IL1RAPL1: variants seen among roughly 807,000 people sequenced by gnomAD.
IL1RAPL1 encodes interleukin 1 receptor accessory protein like 1.
A neutral mutation model predicts 48.4 loss-of-function variants in IL1RAPL1; 3 were observed. That is an observed-to-expected ratio of 0.06 (90% confidence interval 0.03 to 0.16). The LOEUF is 0.16. Among genes scored for constraint, IL1RAPL1 ranks in the 10% least tolerant of loss-of-function variants. IL1RAPL1 has a pLI of 1.00. For missense variants in IL1RAPL1, 349 were observed against 530.6 expected, an observed-to-expected ratio of 0.66 and a Z score of 3.36; for synonymous variants, 185 against 187.7, an observed-to-expected ratio of 0.99 and a Z score of 0.12.
At chrX:28,923,897 A>G (rs1054935044) in intron 2 of IL1RAPL1, among the ~76,000 whole-genome samples, 1 of 111,945 alleles carries the variant, frequency 8.9e-6, no homozygotes, top group African/African-American at 3.2e-5. Context: ...TGTAATAAGA[A>G]TTTTTTAAAT....
At chrX:29,127,532 T>G (rs1440963040) in intron 2 of IL1RAPL1, among the ~76,000 whole-genome samples, 4 of 112,192 alleles carry the variant, frequency 3.6e-5, no homozygotes, top group Non-Finnish European at 7.5e-5. Context: ...CACCAATCTC[T>G]GTGGACAATC....
At chrX:28,724,923 C>G (rs945675757) in intron 1 of IL1RAPL1, among the ~76,000 whole-genome samples, 4 of 107,022 alleles carry the variant, frequency 3.7e-5, no homozygotes, top group African/African-American at 1.4e-4. Context: ...TGGAACATGA[C>G]TTGACGTCTA....
chrX:29,036,247 A>C (rs1017334312), intron 2 of IL1RAPL1, among the ~76,000 whole-genome samples: 1 of 112,428 alleles, frequency 8.9e-6, no homozygotes, highest in East Asian at 2.8e-4. Context: ...TACAGTGTTC[A>C]CAAATATAAA....
intron 1 of IL1RAPL1, among the ~76,000 whole-genome samples, chrX:28,761,970 T>C (rs1269231412): frequency 1.8e-5 from 2 of 111,651 alleles, no homozygotes; most frequent in African/African-American, 6.5e-5. Flanking sequence ...AATATGAGTC[T>C]AATAATAGCA....
At chrX:29,379,693 G>T (rs960092065) in intron 3 of IL1RAPL1, among the ~76,000 whole-genome samples, 1 of 111,614 alleles carries the variant, frequency 9.0e-6, no homozygotes, top group Non-Finnish European at 1.9e-5. Flanking sequence ...CTTATACACG[G>T]TTCCCAGATT....
chrX:28,926,315 A>G (rs191087551), intron 2 of IL1RAPL1, among the ~76,000 whole-genome samples: 2 of 111,725 alleles, frequency 1.8e-5, no homozygotes, highest in Non-Finnish European at 3.8e-5. Flanking sequence ...TAAAAACATA[A>G]CAACTTGTTT....
chrX:29,946,409 G>A, intron 9 of IL1RAPL1, among the ~76,000 whole-genome samples: 1 of 108,755 alleles, frequency 9.2e-6, no homozygotes, highest in Non-Finnish European at 1.9e-5. Flanking sequence ...CACAGCTATT[G>A]AGAATGAACC....
At chrX:29,513,473 T>C (rs1935415252) in intron 5 of IL1RAPL1, among the ~76,000 whole-genome samples, 1 of 112,163 alleles carries the variant, frequency 8.9e-6, no homozygotes, top group Non-Finnish European at 1.9e-5. Flanking sequence ...TTTTGGTCTC[T>C]TGATGAAGTA....
intron 1 of IL1RAPL1, among the ~76,000 whole-genome samples, chrX:28,724,400 G>T (rs1935635717): frequency 9.0e-6 from 1 of 110,936 alleles, no homozygotes; most frequent in South Asian, 3.9e-4. Flanking sequence ...TGTTTTATCA[G>T]AGACTAGGAT....
intron 3 of IL1RAPL1, among the ~76,000 whole-genome samples, chrX:29,315,858 G>C (rs1486441877): frequency 8.9e-6 from 1 of 112,140 alleles, no homozygotes; most frequent in Non-Finnish European, 1.9e-5. Context: ...TAGTGGGCAT[G>C]AGATGAGATG....
At position 29,219,303 on chromosome X, in the gene IL1RAPL1, G is replaced by T. The variant is rs1017186868; in HGVS notation, c.83-63635G>T. On this transcript the variant is annotated intron_variant, in intron 2 of 10. Coordinates refer to ENST00000378993, the MANE Select transcript of IL1RAPL1 (RefSeq NM_014271.4). ...ATTATTGCTTTATTTATGTATTCAC[G>T]TGAATATTCTCTAAGTGTTTTTAAA... Among the ~76,000 whole-genome samples, 6 of 111,380 alleles carry T rather than the reference G, an allele frequency of 5.4e-5. No homozygotes were observed. The South Asian group carries it at 1.5e-3, about 28-fold the overall frequency.
At chrX:29,550,601 CCTTAA>C (rs1375217962) in intron 5 of IL1RAPL1, among the ~76,000 whole-genome samples, 4 of 111,510 alleles carry the variant, frequency 3.6e-5, no homozygotes, top group African/African-American at 9.8e-5. Flanking sequence ...CTTTAAAAAT[CCTTAA>C]CTTTTTTTTT....
chrX:29,243,089 T>A (rs779835302), intron 2 of IL1RAPL1, among the ~76,000 whole-genome samples: 12 of 112,158 alleles, frequency 1.1e-4, no homozygotes, highest in Admixed American at 3.8e-4. Flanking sequence ...TCTCCCCATA[T>A]ATGGTAAAGA....
intron 6 of IL1RAPL1, among the ~76,000 whole-genome samples, chrX:29,802,765 A>ATATATATATATGTGTGTG (rs1429013917): frequency 7.5e-5 from 2 of 26,722 alleles, no homozygotes; most frequent in African/African-American, 4.6e-4. Flanking sequence ...ATATATATAT[A>ATATATATATATGTGTGTG]TATATATATA....
chrX:28,981,593 C>G (rs1190752649), intron 2 of IL1RAPL1, among the ~76,000 whole-genome samples: 3 of 112,076 alleles, frequency 2.7e-5, no homozygotes, highest in Non-Finnish European at 5.6e-5. Context: ...GCCTCTCTTA[C>G]ACTTCTTAGC....
Position 29,369,121 on chromosome X carries a change from C to G in IL1RAPL1, c.363-27137C>G, listed in dbSNP as rs972865926. 4 of 111,116 alleles carry G rather than the reference C, an allele frequency of 3.6e-5. 1 individual carries two copies. Among genetic ancestry groups the G allele is most frequent in the African/African-American group, 1.3e-4 (4 of 30,505 alleles). The allele number at this position is 111,116 out of a possible 1,213,427, so 9.2% of individuals were successfully genotyped here. On this transcript the variant is annotated intron_variant, in intron 3 of 10. Coordinates refer to ENST00000378993, the MANE Select transcript of IL1RAPL1 (RefSeq NM_014271.4). Reference sequence around the variant, plus strand: ...AGAACAGCTTTATGAGTCCTTCAGGCCTGTTCTTGATTGCTTGAACCTTGT... The same window carrying G: ...AGAACAGCTTTATGAGTCCTTCAGGGCTGTTCTTGATTGCTTGAACCTTGT...
intron 6 of IL1RAPL1, among the ~76,000 whole-genome samples, chrX:29,835,920 G>A (rs1426391376): frequency 9.9e-6 from 1 of 101,089 alleles, no homozygotes; most frequent in Non-Finnish European, 2.0e-5. Flanking sequence ...CTAGGTAAAG[G>A]GTTGTTGATT....
chrX:29,620,270 T>C (rs1480686896), intron 5 of IL1RAPL1, among the ~76,000 whole-genome samples: 1 of 112,032 alleles, frequency 8.9e-6, no homozygotes, highest in African/African-American at 3.2e-5. Context: ...TTCTGAAGAA[T>C]GCGTCGTTCA....
intron 1 of IL1RAPL1, among the ~76,000 whole-genome samples, chrX:28,772,938 C>T (rs778655595): frequency 4.5e-5 from 5 of 111,963 alleles, no homozygotes; most frequent in Non-Finnish European, 9.4e-5. Context: ...ACCTGCTCCT[C>T]ACCTTCACCC....
Sources: allele counts gnomAD v4.1 joint callset (sites outside exome capture counted in the v4.1 genomes callset), GRCh38; gene constraint gnomAD v4.1.1; transcripts MANE v1.5; gene names NCBI Gene and HGNC (gene_info 2026-07-23, HGNC 2026-07-21).